NEGR1: variants seen among roughly 807,000 people sequenced by gnomAD.
The protein encoded by NEGR1 is IgLON family member 4.
Under a neutral mutation model 40.9 loss-of-function variants are expected in NEGR1, and 10 were observed. The ratio of observed to expected loss-of-function variants is 0.24; its 90% CI spans 0.15 to 0.42. The LOEUF (loss-of-function observed/expected upper bound fraction) is 0.42, where lower values mean the gene tolerates loss of function less well. Ranked by LOEUF, NEGR1 falls within the 10% of genes least tolerant of loss-of-function variation. The pLI, the probability that NEGR1 is intolerant of heterozygous loss-of-function variation, is 1.00. For synonymous variants in NEGR1, 185 were observed against 166.8 expected, an observed-to-expected ratio of 1.11 and a Z score of -0.84; for missense variants, 352 against 438.9, an observed-to-expected ratio of 0.80 and a Z score of 1.77.
chr1:71,863,563 C>T (rs2101825643), intron 2 of NEGR1, among the ~76,000 whole-genome samples: 1 of 152,182 alleles, frequency 6.6e-6, no homozygotes, highest in African/African-American at 2.4e-5. Context: ...ACCTATGTAA[C>T]AAAACTGCAT....
rs899131850 is a variant in NEGR1 at position 71,456,530 on chromosome 1, T to A, written c.941-48960A>T. Among the ~76,000 whole-genome samples the A allele has an allele frequency of 3.9e-5, 6 of 152,356 alleles. No homozygotes were observed. The East Asian group carries it at 1.2e-3, about 29-fold the overall frequency. On this transcript the variant is annotated intron_variant, in intron 6 of 6. Transcript: ENST00000357731. ...CGCATTCCCAGGTCTGCTCAGACTG[T>A]AAGGGTCCTGACTATTTTGAAAGGC...
intron 1 of NEGR1, among the ~76,000 whole-genome samples, chr1:72,251,962 T>C (rs1211862142): frequency 3.9e-5 from 6 of 152,226 alleles, no homozygotes; most frequent in Admixed American, 1.3e-4. Flanking sequence ...TACTTTTTAA[T>C]GTATGGCTAT....
chr1:71,474,717 C>CAAAAAAAAAAAAAAAA (rs56219737), intron 6 of NEGR1, among the ~76,000 whole-genome samples: 14 of 86,050 alleles, frequency 1.6e-4, no homozygotes, highest in East Asian at 7.0e-4. Context: ...GACTCTATCT[C>CAAAAAAAAAAAAAAAA]AAAAAAAAAA....
intron 1 of NEGR1, among the ~76,000 whole-genome samples, chr1:71,959,472 G>T (rs1272053844): frequency 2.6e-5 from 4 of 151,872 alleles, no homozygotes; most frequent in African/African-American, 4.8e-5. Flanking sequence ...TCTCCTTGCT[G>T]GAAAAATGGG....
intron 4 of NEGR1, among the ~76,000 whole-genome samples, chr1:71,657,256 A>T (rs1195324739): frequency 6.6e-6 from 1 of 152,216 alleles, no homozygotes; most frequent in Non-Finnish European, 1.5e-5. Context: ...GTTCAAAGGG[A>T]TTCTGTCTCG....
At chr1:71,764,103 A>G (rs1329198889) in intron 3 of NEGR1, among the ~76,000 whole-genome samples, 4 of 152,250 alleles carry the variant, frequency 2.6e-5, no homozygotes, top group African/African-American at 4.8e-5. Context: ...TGGTGACATG[A>G]AGTACTATAT....
intron 2 of NEGR1, among the ~76,000 whole-genome samples, chr1:71,816,294 C>T (rs1658208497): frequency 1.3e-5 from 2 of 152,002 alleles, no homozygotes; most frequent in Admixed American, 1.3e-4. Context: ...TTTACACCAC[C>T]ACACATGCAC....
At chr1:72,132,300 T>C (rs1221671387) in intron 1 of NEGR1, among the ~76,000 whole-genome samples, 1 of 152,080 alleles carries the variant, frequency 6.6e-6, no homozygotes, top group African/African-American at 2.4e-5. Flanking sequence ...CTGCCCATAG[T>C]GTCATGAAGT....
chr1:71,583,350 AG>A (rs938035405), intron 6 of NEGR1, among the ~76,000 whole-genome samples: 4 of 152,192 alleles, frequency 2.6e-5, no homozygotes, highest in Non-Finnish European at 5.9e-5. Flanking sequence ...TCATTCTTTC[AG>A]GTGTTGCTGG....
chr1:72,078,645 A>T (rs182385908), intron 1 of NEGR1, among the ~76,000 whole-genome samples: 4,504 of 143,958 alleles, frequency 0.031, 189 homozygotes, highest in African/African-American at 0.095. Context: ...ATATTTATTT[A>T]TTTTTTTTTT....
chr1:71,408,240 G>T (rs1306997061), intron 6 of NEGR1, among the ~76,000 whole-genome samples: 1 of 152,014 alleles, frequency 6.6e-6, no homozygotes, highest in East Asian at 1.9e-4. Context: ...GTGTCGTATA[G>T]AATATAAAGG....
chr1:71,590,657 T>A (rs1369078569), intron 6 of NEGR1, among the ~76,000 whole-genome samples: 2 of 152,146 alleles, frequency 1.3e-5, no homozygotes, highest in Admixed American at 6.6e-5. Context: ...AAGAGGAGAA[T>A]TACAGAATCT....
chr1:71,491,562 C>T (rs1211210801), intron 6 of NEGR1, among the ~76,000 whole-genome samples: 1 of 142,030 alleles, frequency 7.0e-6, no homozygotes, highest in Non-Finnish European at 1.5e-5. Flanking sequence ...CTCCAATGAC[C>T]ACCTCAGGGC....
chr1:71,566,637 G>T (rs1264104702), intron 6 of NEGR1, among the ~76,000 whole-genome samples: 1 of 152,070 alleles, frequency 6.6e-6, no homozygotes, highest in Admixed American at 6.6e-5. Flanking sequence ...CCTGTAAAGG[G>T]CCAGATAGTA....
At chr1:71,736,478 C>T (rs1655045127) in intron 3 of NEGR1, among the ~76,000 whole-genome samples, 1 of 152,118 alleles carries the variant, frequency 6.6e-6, no homozygotes. Flanking sequence ...GAGCAGCAAT[C>T]ATAGAGAAAG....
chr1:71,900,797 TTTAA>T (rs1661123213), intron 2 of NEGR1, among the ~76,000 whole-genome samples: 1 of 152,206 alleles, frequency 6.6e-6, no homozygotes, highest in South Asian at 2.1e-4. Context: ...TGTAGATTTG[TTTAA>T]TTAATATTAA....
chr1:71,677,176 C>T (rs935806216), intron 4 of NEGR1, among the ~76,000 whole-genome samples: 2 of 151,992 alleles, frequency 1.3e-5, no homozygotes, highest in African/African-American at 4.8e-5. Flanking sequence ...ATTATTCTGC[C>T]ACACATGTTC....
At chr1:72,162,292 A>AAAC (rs1553146847) in intron 1 of NEGR1, among the ~76,000 whole-genome samples, 13 of 144,658 alleles carry the variant, frequency 9.0e-5, no homozygotes, top group African/African-American at 3.1e-4. Context: ...CCTCTACTAA[A>AAAC]AAAAAATAAA....
chr1:71,679,101 T>C (rs997518706), intron 4 of NEGR1, among the ~76,000 whole-genome samples: 1 of 152,100 alleles, frequency 6.6e-6, no homozygotes, highest in African/African-American at 2.4e-5. Context: ...TTGCCCATAA[T>C]TTTGTTTCTT....
Sources: allele counts gnomAD v4.1 joint callset (sites outside exome capture counted in the v4.1 genomes callset), GRCh38; gene constraint gnomAD v4.1.1; transcripts MANE v1.5; gene names NCBI Gene and HGNC (gene_info 2026-07-23, HGNC 2026-07-21).